Variants in ARAP2 observed in about 807,000 individuals in gnomAD.
ARAP2 encodes the protein arf-GAP with Rho-GAP domain, ANK repeat and PH domain-containing protein 2.
A neutral mutation model predicts 194.5 loss-of-function variants in ARAP2; 148 were observed. The ratio of observed to expected loss-of-function variants is 0.76; its 90% CI spans 0.67 to 0.87. The LOEUF (loss-of-function observed/expected upper bound fraction) is 0.87, where lower values mean the gene tolerates loss of function less well. Ranked by LOEUF, ARAP2 falls within the 40% of genes least tolerant of loss-of-function variation. ARAP2 has a pLI of 0.00. For missense variants in ARAP2, 2,128 were observed against 1,989.7 expected (o/e 1.07, Z -1.32); for synonymous variants, 695 against 683.5 (o/e 1.02, Z -0.26).
chr4:36,202,505 A>G (rs916998615), intron 6 of ARAP2, among the ~76,000 whole-genome samples: 1 of 152,150 alleles, frequency 6.6e-6, no homozygotes, highest in Non-Finnish European at 1.5e-5. Flanking sequence ...GAAAAAAAAA[A>G]AGGTACTCAA....
chr4:36,136,024 G>A (rs1726621498), intron 19 of ARAP2, among the ~76,000 whole-genome samples: 1 of 151,746 alleles, frequency 6.6e-6, no homozygotes. Context: ...GTGAAGAGTA[G>A]AACTTTCTCA....
At chr4:36,206,619 T>A (rs1745587869) in intron 6 of ARAP2, among the ~76,000 whole-genome samples, 1 of 152,244 alleles carries the variant, frequency 6.6e-6, no homozygotes, top group Admixed American at 6.5e-5. Context: ...CTTGGTAACC[T>A]CAGGACTCTG....
At chr4:36,087,811 G>A (rs1049731254) in intron 28 of ARAP2, among the ~76,000 whole-genome samples, 2 of 152,032 alleles carry the variant, frequency 1.3e-5, no homozygotes, top group African/African-American at 4.8e-5. Context: ...TAATACAAAT[G>A]TTAAATTTCC....
chr4:36,163,713 G>A, intron 11 of ARAP2, among the ~76,000 whole-genome samples: 1 of 152,020 alleles, frequency 6.6e-6, no homozygotes, highest in East Asian at 1.9e-4. Context: ...ACTTACATAA[G>A]AGAGTGAATA....
chr4:36,181,267 G>T (rs915163181), intron 8 of ARAP2, among the ~76,000 whole-genome samples: 2 of 152,186 alleles, frequency 1.3e-5, no homozygotes, highest in African/African-American at 4.8e-5. Flanking sequence ...AGGGAGTGGG[G>T]AAAGCAAAGA....
intron 32 of ARAP2, among the ~76,000 whole-genome samples, chr4:36,071,666 C>T (rs1726934087): frequency 6.9e-6 from 1 of 145,848 alleles, no homozygotes; most frequent in Non-Finnish European, 1.5e-5. Context: ...ATATATAATA[C>T]TTAATTTTTT....
chr4:36,214,698 T>G (rs951027954), intron 2 of ARAP2, among the ~76,000 whole-genome samples: 1 of 152,216 alleles, frequency 6.6e-6, no homozygotes, highest in African/African-American at 2.4e-5. Flanking sequence ...CACAAATGTA[T>G]TTTTGTATTT....
chr4:36,116,988 T>G, intron 25 of ARAP2, 73 bp downstream of exon 25: 1 of 1,017,612 alleles, frequency 9.8e-7, no homozygotes, highest in Non-Finnish European at 1.4e-6. Context: ...TAATGGAAAA[T>G]TCAAAATATA....
chr4:36,215,887 A>G (rs544017057), intron 2 of ARAP2, among the ~76,000 whole-genome samples: 108 of 152,142 alleles, frequency 7.1e-4, no homozygotes, highest in African/African-American at 2.4e-3. Context: ...ACACAAGAAC[A>G]AAAAAGAACC....
At chr4:36,024,587 A>G (rs372795330) in intron 5 of ARAP2, among the ~76,000 whole-genome samples, 3 of 152,276 alleles carry the variant, frequency 2.0e-5, no homozygotes, top group East Asian at 1.9e-4. Flanking sequence ...ATCCAGTTGT[A>G]CTAGCACCAA....
intron 5 of ARAP2, among the ~76,000 whole-genome samples, chr4:36,042,977 G>A (rs1224546455): frequency 1.3e-5 from 2 of 151,756 alleles, no homozygotes; most frequent in Non-Finnish European, 2.9e-5. Flanking sequence ...CAAGTAACTG[G>A]GATTACAGGT....
intron 5 of ARAP2, among the ~76,000 whole-genome samples, chr4:36,020,358 C>T (rs1283411990): frequency 6.6e-6 from 1 of 152,170 alleles, no homozygotes; most frequent in Non-Finnish European, 1.5e-5. Context: ...TTGCAGTAAG[C>T]TGAGATTGTG....
At chr4:36,207,756 T>C (rs1018959294) in intron 6 of ARAP2, among the ~76,000 whole-genome samples, 9 of 152,242 alleles carry the variant, frequency 5.9e-5, no homozygotes, top group Non-Finnish European at 5.9e-5. Context: ...TTTATGTGCA[T>C]GTCTTTAAGG....
At chr4:36,057,878 G>A (rs1577685705) in intron 2 of ARAP2, 2 of 150,982 alleles carry the variant, frequency 1.3e-5, no homozygotes, top group Admixed American at 1.3e-4. Flanking sequence ...TGGTCAAAGG[G>A]TCAATTGTCT....
chr4:36,052,946 C>A (rs13115768), intron 2 of ARAP2, among the ~76,000 whole-genome samples: 11,040 of 152,220 alleles, frequency 0.073, 549 homozygotes, highest in Middle Eastern at 0.19. Flanking sequence ...CATCTTATTT[C>A]TATCCATTTA....
chr4:36,223,104 A>G (rs551648685), intron 2 of ARAP2, among the ~76,000 whole-genome samples: 1 of 152,244 alleles, frequency 6.6e-6, no homozygotes, highest in African/African-American at 2.4e-5. Flanking sequence ...GGGGCTCAGA[A>G]ATCTTGTCAT....
intron 15 of ARAP2, chr4:36,157,374 T>C (rs928432136): frequency 4.9e-5 from 2 of 40,426 alleles, no homozygotes; most frequent in South Asian, 1.3e-3. Flanking sequence ...ACAGTAAAAA[T>C]GGAAGACAAA....
chr4:36,177,857 T>G lies in ARAP2; in HGVS notation c.1827A>C (p.Gly609=). The G allele has an allele frequency of 1.9e-6, 3 of 1,611,410 alleles. No homozygotes were observed. Among genetic ancestry groups the G allele is most frequent in the Non-Finnish European group, 2.5e-6 (3 of 1,179,022 alleles). ...YKAKIFTVLS[G]NSVWLCKNEQ... ...CGTTTTTGCAAAGCCACACACTGTT[T>G]CCACTTAACACAGTAAAAATTTTTG... The change falls in exon 9 of 33, where the codon GGA becomes GGC. Residue 609 remains glycine, a synonymous_variant. Coordinates refer to ENST00000303965, the MANE Select transcript of ARAP2 (RefSeq NM_015230.4).
At chr4:36,051,118 G>A (rs1722589450) in intron 3 of ARAP2, among the ~76,000 whole-genome samples, 1 of 152,116 alleles carries the variant, frequency 6.6e-6, no homozygotes, top group Non-Finnish European at 1.5e-5. Context: ...CATCACTAAT[G>A]GTAGTAGGTA....
Sources: allele counts gnomAD v4.1 joint callset (sites outside exome capture counted in the v4.1 genomes callset), GRCh38; gene constraint gnomAD v4.1.1; transcripts MANE v1.5; gene names NCBI Gene and HGNC (gene_info 2026-07-23, HGNC 2026-07-21).